The following ENTPD1 variants were observed in gnomAD, a reference collection of about 807,000 sequenced individuals.
The protein encoded by ENTPD1 is ATP diphosphohydrolase.
A neutral mutation model predicts 57.0 loss-of-function variants in ENTPD1; 33 were observed. The observed-to-expected ratio is 0.58, with a 90% confidence interval of 0.44 to 0.77. The LOEUF (loss-of-function observed/expected upper bound fraction) is 0.77. Ranked by LOEUF, ENTPD1 falls within the 30% of genes least tolerant of loss-of-function variation. The pLI is 0.00. For synonymous variants in ENTPD1, 202 were observed against 218.8 expected (o/e 0.92, Z 0.68); for missense variants, 501 against 603.4 (o/e 0.83, Z 1.78).
chr10:95,728,852 A>G (rs1229574305), intron 1 of ENTPD1, among the ~76,000 whole-genome samples: 1 of 152,088 alleles, frequency 6.6e-6, no homozygotes, highest in African/African-American at 2.4e-5. Context: ...GTTTATTTCC[A>G]TTTCTCTCAA....
chr10:95,820,786 T>C (rs1009331953), intron 1 of ENTPD1, among the ~76,000 whole-genome samples: 26 of 152,250 alleles, frequency 1.7e-4, no homozygotes, highest in African/African-American at 6.0e-4. Flanking sequence ...CACCTATTTA[T>C]GTGCTTCTTT....
At chr10:95,712,420 C>T (rs1238096613) in intron 1 of ENTPD1, among the ~76,000 whole-genome samples, 1 of 152,134 alleles carries the variant, frequency 6.6e-6, no homozygotes, top group African/African-American at 2.4e-5. Flanking sequence ...CCGTATAAGA[C>T]CTTGACTTTT....
chr10:95,715,904 A>T (rs4918963), intron 1 of ENTPD1, among the ~76,000 whole-genome samples: 2 of 151,906 alleles, frequency 1.3e-5, no homozygotes, highest in Admixed American at 6.6e-5. Context: ...TCATTCTGTC[A>T]CTCAGGCTGA....
chr10:95,724,419 C>G (rs2097981470), intron 1 of ENTPD1, among the ~76,000 whole-genome samples: 1 of 152,050 alleles, frequency 6.6e-6, no homozygotes, highest in Admixed American at 6.6e-5. Flanking sequence ...TGGGCCATTT[C>G]CAAGATGGCG....
chr10:95,811,048 T>A (rs1391461928), intron 1 of ENTPD1, among the ~76,000 whole-genome samples: 2 of 152,232 alleles, frequency 1.3e-5, no homozygotes, highest in Non-Finnish European at 2.9e-5. Flanking sequence ...TGTCAGATGA[T>A]CTCTGACAGT....
At chr10:95,786,676 T>G (rs1490484973) in intron 1 of ENTPD1, among the ~76,000 whole-genome samples, 1 of 152,104 alleles carries the variant, frequency 6.6e-6, no homozygotes, top group Non-Finnish European at 1.5e-5. Flanking sequence ...TATCTTAAAA[T>G]GACAGAAACC....
At chr10:95,857,671 G>A (rs938666137) in intron 7 of ENTPD1, among the ~76,000 whole-genome samples, 1 of 152,196 alleles carries the variant, frequency 6.6e-6, no homozygotes, top group African/African-American at 2.4e-5. Flanking sequence ...TTGTGCCTTA[G>A]GAACTAGAGA....
chr10:95,720,378 G>A (rs183705266), intron 1 of ENTPD1, among the ~76,000 whole-genome samples: 1 of 152,284 alleles, frequency 6.6e-6, no homozygotes. Context: ...CCCTAACAGG[G>A]GAGTGGGGCT....
intron 1 of ENTPD1, among the ~76,000 whole-genome samples, chr10:95,727,787 A>T (rs946187791): frequency 2.0e-5 from 3 of 152,244 alleles, no homozygotes; most frequent in African/African-American, 7.2e-5. Context: ...TCTTAGCAGC[A>T]TGTTAAAAAT....
At chr10:95,710,537 G>A (rs1309367472), upstream of ENTPD1, among the ~76,000 whole-genome samples, 2 of 152,118 alleles carry the variant, frequency 1.3e-5, no homozygotes, top group African/African-American at 4.8e-5. Flanking sequence ...ATGTTTAGTA[G>A]CTCTGGCAGA....
At chr10:95,731,938 A>G (rs1421920172) in intron 1 of ENTPD1, among the ~76,000 whole-genome samples, 1 of 151,170 alleles carries the variant, frequency 6.6e-6, no homozygotes, top group East Asian at 1.9e-4. Context: ...ACCTGCTACC[A>G]CGCCCGGCTA....
At chr10:95,742,927 C>T (rs984147044) in intron 1 of ENTPD1, among the ~76,000 whole-genome samples, 45 of 152,178 alleles carry the variant, frequency 3.0e-4, no homozygotes, top group Non-Finnish European at 5.0e-4. Context: ...ACCAGGTACT[C>T]TCTACCCAGT....
At chr10:95,755,868 T>C (rs2098021118), upstream of ENTPD1, 4 of 1,519,386 alleles carry the variant, frequency 2.6e-6, no homozygotes, top group Non-Finnish European at 3.5e-6. Flanking sequence ...GGGATTTCTA[T>C]AACGAAGAGA....
intron 1 of ENTPD1, among the ~76,000 whole-genome samples, chr10:95,759,521 G>A (rs942485308): frequency 1.3e-5 from 2 of 152,182 alleles, no homozygotes; most frequent in African/African-American, 4.8e-5. Context: ...ATGTACTCTG[G>A]TAATGAAATA....
At chr10:95,767,147 T>C (rs1474533107) in intron 1 of ENTPD1, among the ~76,000 whole-genome samples, 1 of 151,538 alleles carries the variant, frequency 6.6e-6, no homozygotes, top group Admixed American at 6.6e-5. Flanking sequence ...ACCCCATCTC[T>C]ACTAAAAATA....
intron 1 of ENTPD1, among the ~76,000 whole-genome samples, chr10:95,765,526 A>T (rs2098085346): frequency 6.6e-6 from 1 of 152,194 alleles, no homozygotes. Context: ...CTAGACTCTC[A>T]GTTATATTCC....
intron 2 of ENTPD1, among the ~76,000 whole-genome samples, chr10:95,824,418 T>C (rs752173447): frequency 1.3e-5 from 2 of 152,212 alleles, no homozygotes; most frequent in African/African-American, 2.4e-5. Flanking sequence ...AGCAGAGGCG[T>C]GGGTGTCACA....
intron 7 of ENTPD1, among the ~76,000 whole-genome samples, chr10:95,857,038 C>T (rs1319084131): frequency 1.3e-5 from 2 of 151,456 alleles, no homozygotes; most frequent in African/African-American, 4.9e-5. Context: ...ATTTTAAAGA[C>T]ATTTCTATTT....
At chr10:95,844,421 A>G in intron 4 of ENTPD1, 55 bp from the exon 5 acceptor site, 11 of 1,608,984 alleles carry the variant, frequency 6.8e-6, no homozygotes, top group Non-Finnish European at 9.4e-6. Context: ...TGAAATGGGT[A>G]ATGTAATATA....
Sources: gnomAD v4.1 joint callset for allele counts (sites outside exome capture counted in the v4.1 genomes callset) on GRCh38, gnomAD v4.1.1 for gene constraint, MANE v1.5 for transcripts, NCBI Gene and HGNC (gene_info 2026-07-23, HGNC 2026-07-21) for gene names.